CERS6: variants seen among roughly 807,000 people sequenced by gnomAD.
CERS6 encodes the protein LAG1 homolog, ceramide synthase 6.
A neutral mutation model predicts 56.8 loss-of-function variants in CERS6; 26 were observed. That is an observed-to-expected ratio of 0.46 (90% CI 0.34 to 0.63). The LOEUF is 0.63. Ranked by LOEUF, CERS6 falls within the 30% of genes least tolerant of loss-of-function variation. The pLI, the probability that CERS6 is intolerant of heterozygous loss-of-function variation, is 0.01. For synonymous variants in CERS6, 164 were observed against 173.3 expected, an observed-to-expected ratio of 0.95 and a Z score of 0.42; for missense variants, 415 against 467.5, an observed-to-expected ratio of 0.89 and a Z score of 1.04.
intron 1 of CERS6, among the ~76,000 whole-genome samples, chr2:168,507,512 TA>T (rs1180482986): frequency 2.6e-5 from 4 of 152,210 alleles, no homozygotes; most frequent in African/African-American, 9.6e-5. Context: ...TGTGTTCCTC[TA>T]AGAGCATTGC....
rs149709596 is a variant in CERS6, at chr2:168,504,964, G to A, written c.171-42632G>A. ...AAGTGTATCAGGCGGTTCTCTTAAA[G>A]CCAGGTGCTGAGTGGCAACTGAGTA... On this transcript the variant is annotated intron_variant, in intron 1 of 9. Transcript: ENST00000305747. 6.5e-3 allele frequency among the ~76,000 whole-genome samples: 995 copies of A among 152,242 alleles called. 11 individuals are homozygous for A. The highest frequency in any genetic ancestry group is 0.021 in the African/African-American group (887 of 41,556).
intron 4 of CERS6, among the ~76,000 whole-genome samples, chr2:168,641,259 A>ATTT (rs10622907): frequency 4.0e-5 from 6 of 151,766 alleles, no homozygotes; most frequent in Admixed American, 1.3e-4. Context: ...CGGAAATGTC[A>ATTT]TTTTTTTAGA....
chr2:168,752,097 GT>G (rs1684287498), intron 8 of CERS6, among the ~76,000 whole-genome samples: 1 of 152,066 alleles, frequency 6.6e-6, no homozygotes, highest in Admixed American at 6.6e-5. Flanking sequence ...CATTTTAGAT[GT>G]CATTTTTGTG....
intron 4 of CERS6, among the ~76,000 whole-genome samples, chr2:168,641,859 C>G (rs1003002710): frequency 9.9e-5 from 15 of 151,326 alleles, no homozygotes; most frequent in African/African-American, 3.4e-4. Flanking sequence ...ACTTGATATC[C>G]AGCCAAATAG....
At chr2:168,604,023 C>G (rs1015933139) in intron 3 of CERS6, among the ~76,000 whole-genome samples, 1 of 152,064 alleles carries the variant, frequency 6.6e-6, no homozygotes, top group African/African-American at 2.4e-5. Flanking sequence ...TTATGGAGAA[C>G]TGTTATTAGA....
chr2:168,616,847 G>T (rs767928635), intron 3 of CERS6, among the ~76,000 whole-genome samples: 2 of 152,072 alleles, frequency 1.3e-5, no homozygotes, highest in African/African-American at 2.4e-5. Context: ...AGTCAACAAA[G>T]AAACAATGTA....
intron 4 of CERS6, among the ~76,000 whole-genome samples, chr2:168,646,355 C>T (rs1685202243): frequency 6.6e-6 from 1 of 152,030 alleles, no homozygotes; most frequent in African/African-American, 2.4e-5. Context: ...TGAAAAGTGC[C>T]TGTTGATTTT....
chr2:168,666,987 C>T (rs538782729), intron 4 of CERS6, among the ~76,000 whole-genome samples: 4 of 152,202 alleles, frequency 2.6e-5, no homozygotes, highest in African/African-American at 9.6e-5. Flanking sequence ...AATCTACATA[C>T]ATTTGATAAT....
intron 4 of CERS6, among the ~76,000 whole-genome samples, chr2:168,688,789 C>T (rs1686421995): frequency 6.6e-6 from 1 of 152,120 alleles, no homozygotes; most frequent in African/African-American, 2.4e-5. Context: ...GCCCCTGCCT[C>T]CGGTGCACAG....
chr2:168,685,228 A>T (rs1686318210), intron 4 of CERS6, among the ~76,000 whole-genome samples: 1 of 152,200 alleles, frequency 6.6e-6, no homozygotes, highest in Non-Finnish European at 1.5e-5. Flanking sequence ...TACATCTTTG[A>T]TGAGGCAACA....
chr2:168,553,363 T>C (rs2105376119), intron 2 of CERS6, among the ~76,000 whole-genome samples: 1 of 152,294 alleles, frequency 6.6e-6, no homozygotes, highest in East Asian at 1.9e-4. Flanking sequence ...TTTTAATATG[T>C]TAATAAAAAT....
At chr2:168,530,063 C>T (rs1248823196) in intron 1 of CERS6, among the ~76,000 whole-genome samples, 1 of 152,174 alleles carries the variant, frequency 6.6e-6, no homozygotes, top group African/African-American at 2.4e-5. Flanking sequence ...GGCCCAGGCC[C>T]CCACACAGAG....
chr2:168,494,895 C>T (rs1252976592), intron 1 of CERS6, among the ~76,000 whole-genome samples: 1 of 152,152 alleles, frequency 6.6e-6, no homozygotes, highest in Non-Finnish European at 1.5e-5. Context: ...GCCAGGGGTT[C>T]AGATGTTCCT....
At chr2:168,553,152 A>G (rs746991804) in intron 2 of CERS6, among the ~76,000 whole-genome samples, 3 of 152,176 alleles carry the variant, frequency 2.0e-5, no homozygotes, top group African/African-American at 4.8e-5. Context: ...CAGAAAACTC[A>G]GCAAAGAATA....
At chr2:168,457,315 C>A (rs185917680) in intron 1 of CERS6, among the ~76,000 whole-genome samples, 1 of 152,168 alleles carries the variant, frequency 6.6e-6, no homozygotes, top group African/African-American at 2.4e-5. Context: ...AAACTGATAA[C>A]CCTGTCCTGT....
chr2:168,544,979 G>T (rs556502899), intron 1 of CERS6, among the ~76,000 whole-genome samples: 31 of 151,878 alleles, frequency 2.0e-4, no homozygotes, highest in African/African-American at 7.5e-4. Flanking sequence ...GAGCCGCTGG[G>T]CCCAGGAAAG....
At chr2:168,597,068 A>T (rs532678175) in intron 3 of CERS6, among the ~76,000 whole-genome samples, 1 of 152,076 alleles carries the variant, frequency 6.6e-6, no homozygotes, top group Non-Finnish European at 1.5e-5. Context: ...TCTCTGACTC[A>T]CTTTCACACT....
rs764311087 is a variant in CERS6, at chr2:168,765,569, A to C, written c.846-23A>C. 4 of 1,608,486 alleles carry C rather than the reference A, an allele frequency of 2.5e-6. No individual in the cohort carries two copies. In the East Asian group the frequency reaches 8.9e-5, roughly 36 times the overall value. On this transcript the variant is annotated intron_variant, in intron 8 of 9. Coordinates refer to ENST00000305747, the MANE Select transcript of CERS6 (RefSeq NM_203463.3). ...AGCAAAGGAAAATGCCACATTCACT[A>C]ATCACCTCCTTCTTTTCCTTAGGGT... is the stretch of plus-strand genomic sequence containing the variant.
chr2:168,459,039 T>G (rs1693730277), intron 1 of CERS6, among the ~76,000 whole-genome samples: 2 of 152,216 alleles, frequency 1.3e-5, no homozygotes, highest in Admixed American at 1.3e-4. Context: ...ATCCTTTTCT[T>G]TTGCAGTATT....
Sources: gnomAD v4.1 joint callset for allele counts (sites outside exome capture counted in the v4.1 genomes callset) on GRCh38, gnomAD v4.1.1 for gene constraint, MANE v1.5 for transcripts, NCBI Gene and HGNC (gene_info 2026-07-23, HGNC 2026-07-21) for gene names.